The following SPATA9 variants were observed in gnomAD, a reference collection of about 807,000 sequenced individuals.
The protein encoded by SPATA9 is spermatogenesis-associated protein 9.
SPATA9 carries 27 observed loss-of-function variants against 25.5 expected under a neutral mutation model. That is an observed-to-expected ratio of 1.06 (90% confidence interval 0.78 to 1.46). The LOEUF (loss-of-function observed/expected upper bound fraction) is 1.46. Ranked by LOEUF, SPATA9 falls within the 40% of genes most tolerant of loss-of-function variation. The pLI, the probability that SPATA9 is intolerant of heterozygous loss-of-function variation, is 0.00. For synonymous variants in SPATA9, 102 were observed against 105.7 expected, an observed-to-expected ratio of 0.97 and a Z score of 0.21; for missense variants, 282 against 297.5, an observed-to-expected ratio of 0.95 and a Z score of 0.38.
At chr5:95,706,216 T>G in the SPATA9 span, among the ~76,000 whole-genome samples, 5 of 151,790 alleles carry the variant, frequency 3.3e-5, no homozygotes, top group Non-Finnish European at 7.4e-5. Flanking sequence ...GTTCATATGG[T>G]TTGGATTTGT....
At chr5:95,660,163 G>A (rs999220706) in intron 4 of SPATA9, among the ~76,000 whole-genome samples, 11 of 152,144 alleles carry the variant, frequency 7.2e-5, no homozygotes, top group Non-Finnish European at 1.3e-4. Context: ...GGCACTGGCA[G>A]ATTCAGGGTC....
chr5:95,707,380 T>C, the SPATA9 span, among the ~76,000 whole-genome samples: 1 of 152,090 alleles, frequency 6.6e-6, no homozygotes, highest in African/African-American at 2.4e-5. Flanking sequence ...CTGAGACGAA[T>C]TAAGAGTCCT....
chr5:95,675,375 A>T (rs752635384), intron 3 of SPATA9, 37 bp downstream of exon 3: 25 of 1,530,596 alleles, frequency 1.6e-5, no homozygotes, highest in Middle Eastern at 1.7e-4. Context: ...AAAGTTTCTT[A>T]AAAAAGGGGA....
chr5:95,653,279 C>A, intron 8 of SPATA9: 1 of 1,543,810 alleles, frequency 6.5e-7, no homozygotes, highest in Non-Finnish European at 8.7e-7. Flanking sequence ...TCTGGTTGTG[C>A]CTGTAAGAGC....
intron 3 of SPATA9, among the ~76,000 whole-genome samples, chr5:95,675,157 T>C (rs1752805582): frequency 6.6e-6 from 1 of 152,318 alleles, no homozygotes; most frequent in Admixed American, 6.5e-5. Context: ...AGATTTAACA[T>C]AAATGGTAAT....
At chr5:95,731,388 G>C in the SPATA9 span, 1 of 1,170,714 alleles carries the variant, frequency 8.5e-7, no homozygotes, top group Non-Finnish European at 1.1e-6. Flanking sequence ...GGGGACTGCG[G>C]TCAGCTGCGT....
chr5:95,657,219 T>A (rs2112531752), downstream of SPATA9: 1 of 152,246 alleles, frequency 6.6e-6, no homozygotes, highest in Non-Finnish European at 1.5e-5. Flanking sequence ...GTTTTGTTCC[T>A]TGGAGTTCCC....
chr5:95,662,161 C>G (rs779423908), intron 4 of SPATA9, among the ~76,000 whole-genome samples: 3 of 151,896 alleles, frequency 2.0e-5, no homozygotes, highest in Non-Finnish European at 4.4e-5. Context: ...AAAGAGTATT[C>G]TAGGACAATA....
downstream of SPATA9, chr5:95,652,334 G>C: frequency 6.4e-7 from 1 of 1,550,432 alleles, no homozygotes; most frequent in East Asian, 2.4e-5. Flanking sequence ...CTCTCCAAGT[G>C]AGTCCATAGA....
chr5:95,669,858 A>T (rs1046031402), intron 3 of SPATA9, among the ~76,000 whole-genome samples: 2 of 152,182 alleles, frequency 1.3e-5, no homozygotes, highest in South Asian at 4.1e-4. Context: ...TTCTCTACTA[A>T]GAGTTTTCCA....
At chr5:95,681,041 G>C (rs535606715) in intron 2 of SPATA9, among the ~76,000 whole-genome samples, 2 of 152,200 alleles carry the variant, frequency 1.3e-5, no homozygotes, top group East Asian at 3.9e-4. Context: ...TAATGTCCTT[G>C]TTCTTAGCTG....
chr5:95,662,199 TA>T (rs1751331720), intron 4 of SPATA9, among the ~76,000 whole-genome samples: 1 of 151,942 alleles, frequency 6.6e-6, no homozygotes, highest in South Asian at 2.1e-4. Context: ...AAAGAAAAAA[TA>T]GATTAATTGG....
chr5:95,670,978 G>A (rs1365886886), intron 3 of SPATA9: 13 of 840,934 alleles, frequency 1.5e-5, no homozygotes, highest in Admixed American at 6.2e-5. Flanking sequence ...TACTCCCCAC[G>A]TAAAGCTTCT....
rs555272492 is a variant in SPATA9, at chr5:95,672,759, C to T, written c.378+2653G>A. On this transcript the variant is annotated intron_variant, in intron 3 of 4. Coordinates refer to ENST00000274432, the MANE Select transcript of SPATA9 (RefSeq NM_031952.4). The stretch of plus-strand genomic sequence containing the variant: ...TTTACCTCAGAAACTCATTATCAGT[C>T]AAAGTAAAAAGGCAAACAGATTATG... Among the ~76,000 whole-genome samples, 3 of 152,208 alleles carry T rather than the reference C, an allele frequency of 2.0e-5. No homozygotes were observed. The South Asian group carries it at 6.2e-4, about 32-fold the overall frequency.
chr5:95,662,435 T>C (rs977338431), intron 4 of SPATA9, among the ~76,000 whole-genome samples: 1 of 152,180 alleles, frequency 6.6e-6, no homozygotes, highest in Non-Finnish European at 1.5e-5. Context: ...TTATTTATTT[T>C]AAGACTGGAT....
chr5:95,691,596 G>A (rs1390723727), intron 1 of SPATA9, among the ~76,000 whole-genome samples: 1 of 151,982 alleles, frequency 6.6e-6, no homozygotes, highest in Non-Finnish European at 1.5e-5. Context: ...CAGTTTTTCT[G>A]CTAATTTCTC....
At chr5:95,689,875 T>A (rs1753839751) in intron 1 of SPATA9, among the ~76,000 whole-genome samples, 2 of 152,102 alleles carry the variant, frequency 1.3e-5, no homozygotes, top group Non-Finnish European at 2.9e-5. Context: ...TGAGATAATG[T>A]TTTTTTGCAG....
chr5:95,670,693 T>C (rs889626780), intron 3 of SPATA9, among the ~76,000 whole-genome samples: 3 of 152,230 alleles, frequency 2.0e-5, no homozygotes, highest in Non-Finnish European at 2.9e-5. Flanking sequence ...GAATCCACTC[T>C]GGGTAAGCTG....
At chr5:95,668,512 GA>G (rs1286307991) in intron 3 of SPATA9, among the ~76,000 whole-genome samples, 3 of 152,090 alleles carry the variant, frequency 2.0e-5, no homozygotes, top group Admixed American at 2.0e-4. Flanking sequence ...AAAGCTAAGA[GA>G]AAAAACAGGA....
Sources: allele counts gnomAD v4.1 joint callset (sites outside exome capture counted in the v4.1 genomes callset), GRCh38; gene constraint gnomAD v4.1.1; transcripts MANE v1.5; gene names NCBI Gene and HGNC (gene_info 2026-07-23, HGNC 2026-07-21).